Variants in BSND observed in about 807,000 individuals in gnomAD.
BSND encodes the protein barttin.
A neutral mutation model predicts 18.8 loss-of-function variants in BSND; 13 were observed. The observed-to-expected ratio is 0.69, with a 90% CI of 0.45 to 1.10. BSND has a LOEUF of 1.10. Among genes scored for constraint, BSND ranks in the 50% least tolerant of loss-of-function variants. BSND has a pLI of 0.00. For missense variants in BSND, 379 were observed against 416.7 expected (o/e 0.91, Z 0.79); for synonymous variants, 170 against 161.8 (o/e 1.05, Z -0.39).
intron 2 of BSND, 117 bp from the exon 3 acceptor site, chr1:55,006,880 C>T: frequency 6.7e-7 from 1 of 1,482,114 alleles, no homozygotes; most frequent in Non-Finnish European, 9.3e-7. Flanking sequence ...TAACATCCCC[C>T]AAAGGCTTCT....
rs74315287 is a variant in BSND at position 54,999,214 on chromosome 1, G to A, written c.28G>A (p.Gly10Ser). MADEKTFRIGFIVLGLFLLA... is the reference protein window; with the variant it reads MADEKTFRISFIVLGLFLLA... Reference sequence around the variant, plus strand: ...GGCTGACGAGAAGACCTTCCGGATCGGCTTCATTGTGCTGGGGCTTTTCCT... The same window carrying A: ...GGCTGACGAGAAGACCTTCCGGATCAGCTTCATTGTGCTGGGGCTTTTCCT... The change falls in exon 1 of 4, where the codon GGC becomes AGC. Residue 10 changes from glycine (G) to serine (S), a missense_variant. Coordinates refer to ENST00000651561, the MANE Select transcript of BSND (RefSeq NM_057176.3). 6 of 1,614,114 alleles carry A rather than the reference G, an allele frequency of 3.7e-6. No individual in the cohort carries two copies. The highest frequency in any genetic ancestry group is 1.6e-4 in the Middle Eastern group (1 of 6,062).
Position 55,015,427 on chromosome 1 carries a change from C to T in BSND, c.*6799C>T, listed in dbSNP as rs895986796. 1.3e-5 allele frequency among the ~76,000 whole-genome samples: 2 copies of T among 152,156 alleles called. No homozygotes were observed. The highest frequency in any genetic ancestry group is 2.9e-5 in the Non-Finnish European group (2 of 68,030). On this transcript the variant is annotated 3_prime_UTR_variant, in exon 4 of 4. Transcript: ENST00000651561. The stretch of plus-strand genomic sequence containing the variant: ...TGCTCAGTTCACAGATGACCCAGGA[C>T]AAGGGCAAATGAGGGCCCCAGTGAC...
At position 55,002,291 on chromosome 1, in the gene BSND, G is replaced by T. The variant is rs190880808; in HGVS notation, c.178-2731G>T. ...CAGCTGGGCCTCAGGCATGAGAGAG[G>T]AGAAGGGATCAGGGCAAATCTAGTG... On this transcript the variant is annotated intron_variant, in intron 1 of 3. Transcript: ENST00000651561. Among the ~76,000 whole-genome samples the T allele has an allele frequency of 2.0e-5, 3 of 152,354 alleles. No homozygotes were observed. The East Asian group carries it at 5.8e-4, about 29-fold the overall frequency.
Position 55,015,495 on chromosome 1 carries a change from C to T in BSND, c.*6867C>T, listed in dbSNP as rs1644445276. The stretch of plus-strand genomic sequence containing the variant: ...CAGAAAATGGGCCCCACTGGTGATT[C>T]TGCAGATAGTCCCTGCACATCCCGG... On this transcript the variant is annotated 3_prime_UTR_variant, in exon 4 of 4. Coordinates refer to ENST00000651561, the MANE Select transcript of BSND (RefSeq NM_057176.3). Among the ~76,000 whole-genome samples the T allele has an allele frequency of 6.6e-6, 1 of 152,188 alleles. No individual in the cohort carries two copies. The highest frequency in any genetic ancestry group is 6.5e-5 in the Admixed American group (1 of 15,284).
intron 1 of BSND, among the ~76,000 whole-genome samples, chr1:55,002,396 G>A (rs1482503417): frequency 2.0e-5 from 3 of 152,230 alleles, no homozygotes; most frequent in Non-Finnish European, 2.9e-5. Context: ...GTGGCAGGGA[G>A]AGCAGGGTCT....
Position 55,015,481 on chromosome 1 carries a change from C to T in BSND, c.*6853C>T, listed in dbSNP as rs1000230833. On this transcript the variant is annotated 3_prime_UTR_variant, in exon 4 of 4. Coordinates refer to ENST00000651561, the MANE Select transcript of BSND (RefSeq NM_057176.3). ...GGAAGTCCCCAGGTCAGAAAATGGG[C>T]CCCACTGGTGATTCTGCAGATAGTC... 6.6e-6 allele frequency among the ~76,000 whole-genome samples: 1 copy of T among 152,148 alleles called. No homozygotes were observed. The highest frequency in any genetic ancestry group is 1.5e-5 in the Non-Finnish European group (1 of 68,032).
intron 1 of BSND, among the ~76,000 whole-genome samples, chr1:55,004,205 G>A (rs1644378283): frequency 6.6e-6 from 1 of 152,254 alleles, no homozygotes; most frequent in Non-Finnish European, 1.5e-5. Context: ...CATATGGATA[G>A]ACTATATTTT....
rs1046904649 is a variant in BSND at position 55,016,584 on chromosome 1, G to C, written c.*7956G>C. 3.7e-5 allele frequency among the ~76,000 whole-genome samples: 5 copies of C among 134,350 alleles called. No individual in the cohort carries two copies. Among genetic ancestry groups the C allele is most frequent in the Admixed American group, 3.7e-4 (5 of 13,666 alleles). 88.1% of individuals were successfully genotyped at this position (134,350 alleles called of 152,430 possible). The stretch of plus-strand genomic sequence containing the variant: ...ATGTAGGACTTGCTCATTTATTCTA[G>C]TTTTGTTGTTGTTGTTGTTGTTTGT... On this transcript the variant is annotated 3_prime_UTR_variant, in exon 4 of 4. Coordinates refer to ENST00000651561, the MANE Select transcript of BSND (RefSeq NM_057176.3).
Position 54,999,360 on chromosome 1 carries a change from C to T in BSND, c.174C>T (p.Pro58=). 3.7e-6 allele frequency: 6 copies of T among 1,607,172 alleles called. No individual in the cohort carries two copies. The highest frequency in any genetic ancestry group is 5.1e-6 in the Non-Finnish European group (6 of 1,174,702). ...TCTGGAGCATGTGCCAGTGCTACCC[C>T]AAGGTAGGTGGTAGTGGGGCTGGGT... is the stretch of plus-strand genomic sequence containing the variant. The part of the protein sequence containing the change: ...GIIWSMCQCY[P]KITFVPADSD... The change falls in exon 1 of 4, where the codon CCC becomes CCT. Residue 58 remains proline (P), a synonymous_variant. Coordinates refer to ENST00000651561, the MANE Select transcript of BSND (RefSeq NM_057176.3).
rs1644439493 is a variant in BSND, at chr1:55,014,387, A to G, written c.*5759A>G. 2.0e-5 allele frequency among the ~76,000 whole-genome samples: 3 copies of G among 152,176 alleles called. No individual in the cohort carries two copies. Among genetic ancestry groups the G allele is most frequent in the African/African-American group, 7.2e-5 (3 of 41,448 alleles). ...TGGCCCTCAATTTCCTTATTAATAAATTGAGGTTAGTGATATCGACCCAAT... is the reference window on the plus strand; with the variant it reads ...TGGCCCTCAATTTCCTTATTAATAAGTTGAGGTTAGTGATATCGACCCAAT... On this transcript the variant is annotated 3_prime_UTR_variant, in exon 4 of 4. Coordinates refer to ENST00000651561, the MANE Select transcript of BSND (RefSeq NM_057176.3).
At chr1:55,002,574 C>A (rs1003071789) in intron 1 of BSND, among the ~76,000 whole-genome samples, 7 of 152,202 alleles carry the variant, frequency 4.6e-5, no homozygotes, top group Admixed American at 1.3e-4. Context: ...CCCATTGCAT[C>A]TGGAGAAAGG....
chr1:55,008,315 A>C lies in BSND; in HGVS notation c.650A>C (p.Asp217Ala). The C allele has an allele frequency of 1.2e-6, 2 of 1,614,230 alleles. No individual in the cohort carries two copies. Among genetic ancestry groups the C allele is most frequent in the Non-Finnish European group, 1.7e-6 (2 of 1,180,042 alleles). ...EGSSPNASPH[D>A]REEACSPQQE... ...AGCAGCCCCAATGCATCTCCACATG[A>C]CAGGGAGGAAGCTTGTTCCCCACAA... Residue 217 changes from aspartate to alanine, a missense_variant, in exon 4 of 4, where the codon GAC becomes GCC. Asp to Ala is a moderately radical substitution (Grantham distance 126, BLOSUM62 -2). Transcript: ENST00000651561.
chr1:54,999,241 C>T lies in BSND; in HGVS notation c.55C>T (p.Leu19=). 6.2e-7 allele frequency: 1 copy of T among 1,614,144 alleles called. No individual in the cohort carries two copies. Among genetic ancestry groups the T allele is most frequent in the Non-Finnish European group, 8.5e-7 (1 of 1,180,034 alleles). ...CTTCATTGTGCTGGGGCTTTTCCTG[C>T]TGGCCCTCGGTACGTTCCTCATGAG... The part of the protein sequence containing the change: ...IGFIVLGLFL[L]ALGTFLMSHD... The change falls in exon 1 of 4, where the codon CTG becomes TTG. Residue 19 remains leucine, a synonymous_variant. Coordinates refer to ENST00000651561, the MANE Select transcript of BSND (RefSeq NM_057176.3).
At position 55,016,967 on chromosome 1, in the gene BSND, C is replaced by T. The variant is rs1644454473; in HGVS notation, c.*8339C>T. Among the ~76,000 whole-genome samples the T allele has an allele frequency of 6.6e-6, 1 of 152,224 alleles. No homozygotes were observed. The highest frequency in any genetic ancestry group is 6.5e-5 in the Admixed American group (1 of 15,290). On this transcript the variant is annotated 3_prime_UTR_variant, in exon 4 of 4. Transcript: ENST00000651561. ...ATCAAATCCCCTATCACCACTCTCA[C>T]AGCACCACAGATCTCTCTCCTTTGT...
chr1:55,004,210 T>C (rs1168653989), intron 1 of BSND, among the ~76,000 whole-genome samples: 1 of 152,258 alleles, frequency 6.6e-6, no homozygotes, highest in Non-Finnish European at 1.5e-5. Context: ...GGATAGACTA[T>C]ATTTTGTTTA....
rs886211133 is a variant in BSND, at chr1:55,016,215, GGA to G, written c.*7598_*7599del. ...TCTGAAAGAGGTTACAGTTCCTAACGGAGAGAGAGAGACAGATGGAGAGAGAG... is the reference window on the plus strand; with the variant it reads ...TCTGAAAGAGGTTACAGTTCCTAACGGAGAGAGAGACAGATGGAGAGAGAG... On this transcript the variant is annotated 3_prime_UTR_variant, in exon 4 of 4. Transcript: ENST00000651561. 3.3e-5 allele frequency among the ~76,000 whole-genome samples: 5 copies of G among 152,006 alleles called. No homozygotes were observed. Among genetic ancestry groups the G allele is most frequent in the Non-Finnish European group, 7.4e-5 (5 of 68,008 alleles).
In BSND at chr1:55,015,525, G is replaced by C. The variant is rs1557489063; in HGVS notation, c.*6897G>C. On this transcript the variant is annotated 3_prime_UTR_variant, in exon 4 of 4. Transcript: ENST00000651561. ...GATAGTCCCTGCACATCCCGGAGAA[G>C]AGCAGACACGGTGTGGTGGGTAGGT... Among the ~76,000 whole-genome samples, 1 of 152,246 alleles carries C rather than the reference G, an allele frequency of 6.6e-6. No individual in the cohort carries two copies. Among genetic ancestry groups the C allele is most frequent in the African/African-American group, 2.4e-5 (1 of 41,456 alleles).
intron 2 of BSND, 144 bp from the exon 3 acceptor site, chr1:55,006,853 C>G: frequency 2.5e-6 from 3 of 1,206,202 alleles, no homozygotes. Flanking sequence ...GCCTCCTCAT[C>G]CCTGAAACGG....
chr1:55,011,142 G>A lies in BSND; in HGVS notation c.*2514G>A, dbSNP rs1644420519. 6.6e-6 allele frequency: 1 copy of A among 152,250 alleles called. No individual in the cohort carries two copies. Among genetic ancestry groups the A allele is most frequent in the Non-Finnish European group, 1.5e-5 (1 of 68,064 alleles). The allele number at this position is 152,250 out of a possible 1,614,324, so 9.4% of individuals were successfully genotyped here. On this transcript the variant is annotated 3_prime_UTR_variant, in exon 4 of 4. Coordinates refer to ENST00000651561, the MANE Select transcript of BSND (RefSeq NM_057176.3). ...TGCTGGGCCTGCCAGCAGGAAGATG[G>A]TAACCCTGTTCTAGAGTTAGCATCT...
Sources: allele counts gnomAD v4.1 joint callset (sites outside exome capture counted in the v4.1 genomes callset), GRCh38; gene constraint gnomAD v4.1.1; transcripts MANE v1.5; gene names NCBI Gene and HGNC (gene_info 2026-07-23, HGNC 2026-07-21).